AKAP6: variants seen among roughly 807,000 people sequenced by gnomAD.
The protein encoded by AKAP6 is A-kinase anchoring protein 6, also known as A-kinase anchor protein 6.
In AKAP6, 58 loss-of-function variants were observed where a neutral mutation model predicts 188.5. The observed-to-expected ratio is 0.31, with a 90% CI of 0.25 to 0.38. The LOEUF (loss-of-function observed/expected upper bound fraction) is 0.38, where lower values mean the gene tolerates loss of function less well. Ranked by LOEUF, AKAP6 falls within the 10% of genes least tolerant of loss-of-function variation. AKAP6 has a pLI of 1.00. For missense variants in AKAP6, 2,710 were observed against 2,740.0 expected, an observed-to-expected ratio of 0.99 and a Z score of 0.24; for synonymous variants, 989 against 998.6, an observed-to-expected ratio of 0.99 and a Z score of 0.18.
At chr14:32,430,997 T>G (rs1053492616) in intron 1 of AKAP6, among the ~76,000 whole-genome samples, 1 of 151,510 alleles carries the variant, frequency 6.6e-6, no homozygotes, top group African/African-American at 2.4e-5. Flanking sequence ...CCCAGCTACC[T>G]GGGGGGTTGA....
chr14:32,729,348 A>C (rs545052812), intron 9 of AKAP6, among the ~76,000 whole-genome samples: 2 of 152,110 alleles, frequency 1.3e-5, no homozygotes, highest in Non-Finnish European at 2.9e-5. Flanking sequence ...ATCTCAATCA[A>C]GTCTTCATGC....
intron 7 of AKAP6, among the ~76,000 whole-genome samples, chr14:32,670,602 C>T (rs374109415): frequency 6.6e-6 from 1 of 152,138 alleles, no homozygotes; most frequent in Non-Finnish European, 1.5e-5. Flanking sequence ...AGGGTTTCCT[C>T]CCATTATATT....
chr14:32,414,930 C>T (rs577618938), intron 1 of AKAP6, among the ~76,000 whole-genome samples: 2 of 152,266 alleles, frequency 1.3e-5, no homozygotes. Context: ...ATGCCTGTTT[C>T]GCTTTAAGCA....
intron 7 of AKAP6, among the ~76,000 whole-genome samples, chr14:32,642,910 C>T (rs1049883756): frequency 6.6e-6 from 1 of 152,002 alleles, no homozygotes; most frequent in Non-Finnish European, 1.5e-5. Flanking sequence ...AATACTGTAC[C>T]ATGGGAATAC....
chr14:32,566,067 T>C (rs1237227941), intron 4 of AKAP6, among the ~76,000 whole-genome samples: 3 of 152,202 alleles, frequency 2.0e-5, no homozygotes, highest in Non-Finnish European at 2.9e-5. Flanking sequence ...GTAGGGGCTC[T>C]CAAGACCCTT....
At chr14:32,608,479 G>A (rs1269669930) in intron 7 of AKAP6, among the ~76,000 whole-genome samples, 1 of 135,010 alleles carries the variant, frequency 7.4e-6, no homozygotes, top group Non-Finnish European at 1.5e-5. Context: ...CAGCCTGAGT[G>A]ACAGAGCAAG....
chr14:32,657,891 TATC>T (rs1888520110), intron 7 of AKAP6, among the ~76,000 whole-genome samples: 1 of 152,092 alleles, frequency 6.6e-6, no homozygotes, highest in Non-Finnish European at 1.5e-5. Context: ...CACATCTAAT[TATC>T]ATAGTAAGGA....
At chr14:32,518,552 A>G (rs148987100) in intron 2 of AKAP6, among the ~76,000 whole-genome samples, 24,985 of 152,224 alleles carry the variant, frequency 0.16, 2,567 homozygotes, top group Non-Finnish European at 0.23. Flanking sequence ...ACACATGCAC[A>G]AGCTTCAGTA....
Position 32,540,208 on chromosome 14 carries a change from T to A in AKAP6, c.576+4403T>A, listed in dbSNP as rs1298156350. Among the ~76,000 whole-genome samples the A allele has an allele frequency of 1.5e-4, 22 of 144,756 alleles. 1 individual carries two copies. Among genetic ancestry groups the A allele is most frequent in the Non-Finnish European group, 3.0e-4 (20 of 66,650 alleles). The allele number at this position is 144,756 out of a possible 152,430, so 95.0% of individuals were successfully genotyped here. ...TATATATATATTTTAATTTTTTATTTTTTTTTTTGAGAACAAGTCTCACTC... is the reference window on the plus strand; with the variant it reads ...TATATATATATTTTAATTTTTTATTATTTTTTTTGAGAACAAGTCTCACTC... On this transcript the variant is annotated intron_variant, in intron 3 of 13. Coordinates refer to ENST00000280979, the MANE Select transcript of AKAP6 (RefSeq NM_004274.5).
intron 9 of AKAP6, among the ~76,000 whole-genome samples, chr14:32,711,854 T>C (rs1566660936): frequency 6.6e-6 from 1 of 151,962 alleles, no homozygotes; most frequent in African/African-American, 2.4e-5. Flanking sequence ...GGGCAATTAT[T>C]CTTATCCTCT....
At chr14:32,357,324 G>A (rs922605464) in intron 1 of AKAP6, among the ~76,000 whole-genome samples, 4 of 152,198 alleles carry the variant, frequency 2.6e-5, no homozygotes, top group Non-Finnish European at 1.5e-5. Context: ...TTGCTGTGCA[G>A]GGAAAATGAA....
chr14:32,389,598 A>G lies in AKAP6; in HGVS notation c.-34-43862A>G, dbSNP rs140207519. 9.1e-4 allele frequency among the ~76,000 whole-genome samples: 138 copies of G among 152,136 alleles called. 1 individual carries two copies. The East Asian group carries it at 0.022, about 24-fold the overall frequency. On this transcript the variant is annotated intron_variant, in intron 1 of 13. Transcript: ENST00000280979. ...GAAAATGACTGTATCTTTCCTTCAT[A>G]TATGAAGCTTAGTTTCATTGGATAT...
chr14:32,773,908 T>G lies in AKAP6; in HGVS notation c.3588+15T>G. 6.2e-7 allele frequency: 1 copy of G among 1,607,502 alleles called. No individual in the cohort carries two copies. The highest frequency in any genetic ancestry group is 8.5e-7 in the Non-Finnish European group (1 of 1,174,208). On this transcript the variant is annotated intron_variant, in intron 12 of 13. Coordinates refer to ENST00000280979, the MANE Select transcript of AKAP6 (RefSeq NM_004274.5). ...GAAAGGAATCTGTGAGTGATGCTTT[T>G]TTTAAGCATAATTGTCTGTCATTTT...
At chr14:32,552,001 T>C (rs1014768849) in intron 4 of AKAP6, among the ~76,000 whole-genome samples, 1 of 152,146 alleles carries the variant, frequency 6.6e-6, no homozygotes, top group Non-Finnish European at 1.5e-5. Context: ...TCTAATGTAG[T>C]ATATTTATTA....
intron 1 of AKAP6, among the ~76,000 whole-genome samples, chr14:32,423,888 A>G (rs1889941822): frequency 6.6e-6 from 1 of 152,208 alleles, no homozygotes; most frequent in Non-Finnish European, 1.5e-5. Flanking sequence ...GATTGTGAGT[A>G]GGGTTAATGG....
intron 3 of AKAP6, among the ~76,000 whole-genome samples, chr14:32,537,288 C>T (rs1882725751): frequency 6.6e-6 from 1 of 152,180 alleles, no homozygotes; most frequent in Admixed American, 6.5e-5. Context: ...TGTGGCAGGA[C>T]TTCAGTAGAG....
At chr14:32,718,332 G>A in intron 9 of AKAP6, 2 of 985,234 alleles carry the variant, frequency 2.0e-6, no homozygotes, top group Non-Finnish European at 2.4e-6. Flanking sequence ...AAGCCTTAAA[G>A]CCTAAAATCT....
chr14:32,506,435 G>C (rs1431756137), intron 2 of AKAP6, among the ~76,000 whole-genome samples: 2 of 152,100 alleles, frequency 1.3e-5, no homozygotes, highest in African/African-American at 4.8e-5. Flanking sequence ...TGGAGGAAGG[G>C]ACAGGGAACA....
chr14:32,348,885 G>C (rs7151681), intron 1 of AKAP6, among the ~76,000 whole-genome samples: 39,773 of 151,986 alleles, frequency 0.26, 5,288 homozygotes, highest in East Asian at 0.4. Context: ...ATTCTTGTGT[G>C]CTGAGGCCAG....
Sources: gnomAD v4.1 joint callset for allele counts (sites outside exome capture counted in the v4.1 genomes callset) on GRCh38, gnomAD v4.1.1 for gene constraint, MANE v1.5 for transcripts, NCBI Gene and HGNC (gene_info 2026-07-23, HGNC 2026-07-21) for gene names.